Variants in EXOC4 observed in about 807,000 individuals in gnomAD.
The protein encoded by EXOC4 is SEC8-like 1.
A neutral mutation model predicts 107.2 loss-of-function variants in EXOC4; 71 were observed. That is an observed-to-expected ratio of 0.66 (90% confidence interval 0.55 to 0.81). The LOEUF (loss-of-function observed/expected upper bound fraction) is 0.81. Among genes scored for constraint, EXOC4 ranks in the 30% least tolerant of loss-of-function variants. The pLI is 0.00. For missense variants in EXOC4, 1,108 were observed against 1,189.6 expected (o/e 0.93, Z 1.01); for synonymous variants, 456 against 441.2 (o/e 1.03, Z -0.42).
chr7:133,876,929 AT>A lies in EXOC4; in HGVS notation c.1735-18667del, dbSNP rs1425622711. On this transcript the variant is annotated intron_variant, in intron 11 of 17. Coordinates refer to ENST00000253861, the MANE Select transcript of EXOC4 (RefSeq NM_021807.4). ...TAGTTTTTGTTATCTTCCATTTGAG[AT>A]TTATTGAGCTGCTTGAATCTGTGGG... is the stretch of plus-strand genomic sequence containing the variant. Among the ~76,000 whole-genome samples, 4 of 151,768 alleles carry A rather than the reference AT, an allele frequency of 2.6e-5. 1 individual carries two copies. Among genetic ancestry groups the A allele is most frequent in the Admixed American group, 2.6e-4 (4 of 15,238 alleles).
chr7:133,559,989 C>T (rs995764994), intron 9 of EXOC4, among the ~76,000 whole-genome samples: 2 of 152,202 alleles, frequency 1.3e-5, no homozygotes, highest in Non-Finnish European at 2.9e-5. Flanking sequence ...GTACATATAT[C>T]TCATTCTGGA....
intron 6 of EXOC4, among the ~76,000 whole-genome samples, chr7:133,362,634 G>A (rs897717197): frequency 5.3e-5 from 8 of 152,194 alleles, no homozygotes; most frequent in Non-Finnish European, 8.8e-5. Flanking sequence ...GCATACTGCT[G>A]TAATAGAACT....
chr7:133,688,562 T>C (rs1352833593), intron 10 of EXOC4, among the ~76,000 whole-genome samples: 1 of 152,182 alleles, frequency 6.6e-6, no homozygotes, highest in Non-Finnish European at 1.5e-5. Flanking sequence ...ATGGGAAGCT[T>C]GTGGAGCTAG....
At chr7:133,556,248 G>C (rs1800688342) in intron 9 of EXOC4, among the ~76,000 whole-genome samples, 1 of 152,166 alleles carries the variant, frequency 6.6e-6, no homozygotes, top group African/African-American at 2.4e-5. Flanking sequence ...GTCATTTGCT[G>C]TTAGCTTGGC....
intron 10 of EXOC4, among the ~76,000 whole-genome samples, chr7:133,700,046 A>T (rs1423969880): frequency 6.6e-6 from 1 of 152,232 alleles, no homozygotes. Context: ...CTTTTCAAAA[A>T]AACCTGCATT....
At chr7:133,762,963 C>T (rs1170784658) in intron 10 of EXOC4, among the ~76,000 whole-genome samples, 1 of 152,084 alleles carries the variant, frequency 6.6e-6, no homozygotes, top group African/African-American at 2.4e-5. Flanking sequence ...TTAATAATTA[C>T]ATATTTACAA....
intron 7 of EXOC4, among the ~76,000 whole-genome samples, chr7:133,446,430 G>C (rs1313559421): frequency 2.6e-5 from 4 of 152,150 alleles, no homozygotes; most frequent in South Asian, 2.1e-4. Flanking sequence ...ACGCAGGGCT[G>C]TCTGTAAAAT....
At chr7:133,881,399 T>C (rs150354621) in intron 11 of EXOC4, among the ~76,000 whole-genome samples, 2 of 152,062 alleles carry the variant, frequency 1.3e-5, no homozygotes, top group African/African-American at 4.8e-5. Context: ...CTTTGTTCTT[T>C]CTACAAATTG....
chr7:133,979,661 G>A lies in EXOC4; in HGVS notation c.2207-17831G>A, dbSNP rs535008232. On this transcript the variant is annotated intron_variant, in intron 14 of 17. Coordinates refer to ENST00000253861, the MANE Select transcript of EXOC4 (RefSeq NM_021807.4). ...AAATTAGCCGGGCATGGTGGCGGGC[G>A]CCTGTAGTCCCAGCTACTCGGGAGG... 5.9e-5 allele frequency among the ~76,000 whole-genome samples: 9 copies of A among 152,054 alleles called. No individual in the cohort carries two copies. In the South Asian group the frequency reaches 1.0e-3, roughly 18 times the overall value.
chr7:133,851,930 G>A (rs181051542), intron 11 of EXOC4, among the ~76,000 whole-genome samples: 51 of 152,152 alleles, frequency 3.4e-4, no homozygotes, highest in Admixed American at 3.3e-3. Flanking sequence ...TTTGGTTGTC[G>A]CCATTGTTTT....
intron 10 of EXOC4, among the ~76,000 whole-genome samples, chr7:133,672,860 C>A (rs1793978043): frequency 6.6e-6 from 1 of 152,184 alleles, no homozygotes; most frequent in Non-Finnish European, 1.5e-5. Flanking sequence ...TTATCCCAGG[C>A]CCTAGCAAAT....
chr7:133,695,298 G>A (rs1372583766), intron 10 of EXOC4, among the ~76,000 whole-genome samples: 1 of 151,996 alleles, frequency 6.6e-6, no homozygotes, highest in Non-Finnish European at 1.5e-5. Flanking sequence ...GCAAATGACA[G>A]CTTCCCATTC....
chr7:133,328,142 T>C (rs1795291640), intron 5 of EXOC4, among the ~76,000 whole-genome samples: 2 of 152,214 alleles, frequency 1.3e-5, no homozygotes, highest in African/African-American at 4.8e-5. Context: ...ATATTTAGGA[T>C]AGTTAGCTCT....
intron 10 of EXOC4, among the ~76,000 whole-genome samples, chr7:133,702,931 A>G (rs1334125247): frequency 6.6e-6 from 1 of 152,188 alleles, no homozygotes; most frequent in Non-Finnish European, 1.5e-5. Flanking sequence ...CTATTATCAC[A>G]ATCACCTTGA....
chr7:133,662,094 G>A (rs929905183), intron 10 of EXOC4, among the ~76,000 whole-genome samples: 4 of 152,056 alleles, frequency 2.6e-5, no homozygotes, highest in Admixed American at 2.6e-4. Flanking sequence ...GCGCAGAAAA[G>A]GTTTTTGTAA....
At chr7:133,708,159 C>G (rs1030306909) in intron 10 of EXOC4, among the ~76,000 whole-genome samples, 1 of 151,950 alleles carries the variant, frequency 6.6e-6, no homozygotes, top group Non-Finnish European at 1.5e-5. Context: ...CTCCTTGTTA[C>G]AAGGAGAAAA....
intron 9 of EXOC4, among the ~76,000 whole-genome samples, chr7:133,609,285 G>T (rs1038858860): frequency 1.3e-5 from 2 of 152,204 alleles, no homozygotes; most frequent in Admixed American, 6.5e-5. Context: ...TATTTTATGT[G>T]TGGACTGTTT....
In EXOC4 at chr7:133,397,139, T is replaced by TTTTC. The variant is rs1563050337; in HGVS notation, c.1182+22140_1182+22141insCTTT. On this transcript the variant is annotated intron_variant, in intron 7 of 17. Coordinates refer to ENST00000253861, the MANE Select transcript of EXOC4 (RefSeq NM_021807.4). ...GTTTCATTTGGTTTTCTTTTCTTTT[T>TTTTC]TTTTTTGAGACGGAATTTCGCTCTT... Among the ~76,000 whole-genome samples, 10 of 27,200 alleles carry TTTTC rather than the reference T, an allele frequency of 3.7e-4. No homozygotes were observed. In the South Asian group the frequency reaches 4.3e-3, roughly 12 times the overall value. 17.8% of individuals were successfully genotyped at this position (27,200 alleles called of 152,430 possible).
intron 12 of EXOC4, among the ~76,000 whole-genome samples, chr7:133,908,516 A>G (rs1281203073): frequency 6.6e-6 from 1 of 152,244 alleles, no homozygotes; most frequent in African/African-American, 2.4e-5. Context: ...AATAGACTGC[A>G]GAACAGCGGG....
Sources: gnomAD v4.1 joint callset for allele counts (sites outside exome capture counted in the v4.1 genomes callset) on GRCh38, gnomAD v4.1.1 for gene constraint, MANE v1.5 for transcripts, NCBI Gene and HGNC (gene_info 2026-07-23, HGNC 2026-07-21) for gene names.